Variants in PLCG2 observed in about 807,000 individuals in gnomAD.
PLCG2 encodes the protein 1-phosphatidylinositol 4,5-bisphosphate phosphodiesterase gamma-2.
Under a neutral mutation model 175.6 loss-of-function variants are expected in PLCG2, and 69 were observed. The ratio of observed to expected loss-of-function variants is 0.39; its 90% confidence interval spans 0.32 to 0.48. The LOEUF is 0.48. Ranked by LOEUF, PLCG2 falls within the 20% of genes least tolerant of loss-of-function variation. The probability of loss-of-function intolerance (pLI) is 0.91; values close to 1 mark genes in which losing one functional copy is unlikely to be tolerated. For missense variants in PLCG2, 1,798 were observed against 1,650.9 expected (o/e 1.09, Z -1.54); for synonymous variants, 827 against 624.0 (o/e 1.33, Z -4.85).
chr16:81,869,095 T>C (rs779517382), intron 5 of PLCG2, 119 bp from the exon 6 acceptor site: 3 of 722,088 alleles, frequency 4.2e-6, no homozygotes, highest in Non-Finnish European at 7.5e-6. Flanking sequence ...GGTCCATAAA[T>C]AACTGTTGAC....
chr16:81,773,469 G>C (rs1284274869), intron 2 of PLCG2, among the ~76,000 whole-genome samples: 1 of 152,194 alleles, frequency 6.6e-6, no homozygotes, highest in Non-Finnish European at 1.5e-5. Flanking sequence ...AGACACAGGG[G>C]GGTAAGAGGC....
intron 2 of PLCG2, chr16:81,767,059 A>G (rs1189640100): frequency 6.6e-6 from 1 of 150,730 alleles, no homozygotes; most frequent in East Asian, 1.9e-4. Flanking sequence ...GTCTTTCCCC[A>G]GAGTGGATGT....
intron 5 of PLCG2, among the ~76,000 whole-genome samples, chr16:81,867,527 C>T (rs775142193): frequency 2.6e-5 from 4 of 152,164 alleles, no homozygotes; most frequent in Admixed American, 6.5e-5. Context: ...GATCATGGTA[C>T]CTGCCTTGTA....
intron 5 of PLCG2, among the ~76,000 whole-genome samples, chr16:81,863,284 A>G (rs1411204482): frequency 6.6e-6 from 1 of 152,224 alleles, no homozygotes; most frequent in Non-Finnish European, 1.5e-5. Flanking sequence ...ACCTCATATA[A>G]GTGGACTAGC....
intron 13 of PLCG2, among the ~76,000 whole-genome samples, chr16:81,896,441 A>G (rs1908894531): frequency 6.7e-6 from 1 of 149,816 alleles, no homozygotes; most frequent in African/African-American, 2.5e-5. Flanking sequence ...ATCTGGGTGT[A>G]GTGGCATGTG....
At chr16:81,919,849 G>T (rs994388359) in intron 20 of PLCG2, among the ~76,000 whole-genome samples, 185 bp downstream of exon 20, 2 of 152,206 alleles carry the variant, frequency 1.3e-5, no homozygotes, top group African/African-American at 4.8e-5. Context: ...GTGTTGGGGA[G>T]ATGCAACAAA....
chr16:81,795,705 T>C (rs1346680664), intron 2 of PLCG2, among the ~76,000 whole-genome samples: 1 of 152,020 alleles, frequency 6.6e-6, no homozygotes, highest in Non-Finnish European at 1.5e-5. Flanking sequence ...CCTGCTTTTT[T>C]TTTTTCTCCC....
intron 27 of PLCG2, 152 bp from the exon 28 acceptor site, chr16:81,937,606 C>T: frequency 3.5e-6 from 2 of 569,884 alleles, no homozygotes; most frequent in Non-Finnish European, 6.0e-6. Context: ...TCTAGAAACC[C>T]TATATTTTCT....
At chr16:81,868,713 C>T (rs1907365497) in intron 5 of PLCG2, among the ~76,000 whole-genome samples, 1 of 152,232 alleles carries the variant, frequency 6.6e-6, no homozygotes, top group African/African-American at 2.4e-5. Flanking sequence ...GGGCCTTTGG[C>T]ATTTCTGTGG....
At chr16:81,885,950 A>G (rs991758421) in intron 9 of PLCG2, among the ~76,000 whole-genome samples, 1 of 152,224 alleles carries the variant, frequency 6.6e-6, no homozygotes, top group Non-Finnish European at 1.5e-5. Flanking sequence ...GGAGGAAGTA[A>G]AATGAAGGTA....
chr16:81,750,663 A>ATTTTTTTTTTGTT (rs1909791207), intron 1 of PLCG2, among the ~76,000 whole-genome samples: 1 of 68,446 alleles, frequency 1.5e-5, no homozygotes, highest in Non-Finnish European at 2.6e-5. Context: ...GGGACTGGAG[A>ATTTTTTTTTTGTT]TTTTTTTTTT....
rs923937069 is a variant in PLCG2 at position 81,960,769 on chromosome 16, G to A, written c.*2771G>A. Reference sequence around the variant, plus strand: ...CCTAGTTAAAATCTAAACTTAAGTCGCCATGGCCAGTGGCCTTTAGATTAA... The same window carrying A: ...CCTAGTTAAAATCTAAACTTAAGTCACCATGGCCAGTGGCCTTTAGATTAA... On this transcript the variant is annotated 3_prime_UTR_variant, in exon 33 of 33. Coordinates refer to ENST00000564138, the MANE Select transcript of PLCG2 (RefSeq NM_002661.5). The A allele has an allele frequency of 8.7e-6, 2 of 228,736 alleles. No homozygotes were observed. The highest frequency in any genetic ancestry group is 1.3e-3 in the Middle Eastern group (1 of 768). The allele number at this position is 228,736 out of a possible 1,614,324, so 14.2% of individuals were successfully genotyped here.
intron 2 of PLCG2, chr16:81,766,596 C>G (rs1567696967): frequency 6.6e-6 from 1 of 152,584 alleles, no homozygotes. Flanking sequence ...ATCTGCTCTG[C>G]TAAAGTGCTC....
Position 81,851,721 on chromosome 16 carries a change from C to T in PLCG2, c.194-2723C>T, listed in dbSNP as rs575934770. Among the ~76,000 whole-genome samples the T allele has an allele frequency of 3.3e-5, 5 of 152,372 alleles. No homozygotes were observed. In the South Asian group the frequency reaches 1.0e-3, roughly 32 times the overall value. On this transcript the variant is annotated intron_variant, in intron 2 of 32. Coordinates refer to ENST00000564138, the MANE Select transcript of PLCG2 (RefSeq NM_002661.5). ...AGAGATGGGGTTTCACCTTGTTGGC[C>T]AGGCTGGTCTCGAATTCCTGACCTC...
At chr16:81,863,155 T>C (rs1249943670) in intron 5 of PLCG2, among the ~76,000 whole-genome samples, 1 of 152,180 alleles carries the variant, frequency 6.6e-6, no homozygotes, top group East Asian at 1.9e-4. Flanking sequence ...TCCAGAACTT[T>C]TTATCATCTC....
intron 12 of PLCG2, 103 bp downstream of exon 12, chr16:81,893,897 C>G: frequency 7.4e-6 from 5 of 677,598 alleles, no homozygotes. Flanking sequence ...TTTTAATGGA[C>G]ACATAATAAC....
chr16:81,884,725 G>C (rs1351251231), intron 9 of PLCG2, among the ~76,000 whole-genome samples: 1 of 151,426 alleles, frequency 6.6e-6, no homozygotes, highest in Non-Finnish European at 1.5e-5. Context: ...TTTAAATAGA[G>C]TTTATATTTT....
At chr16:81,897,116 A>C (rs914752228) in intron 13 of PLCG2, among the ~76,000 whole-genome samples, 3 of 152,236 alleles carry the variant, frequency 2.0e-5, no homozygotes, top group African/African-American at 7.2e-5. Context: ...TTCCAGTTAA[A>C]ACTTGAATTA....
intron 13 of PLCG2, chr16:81,898,024 C>A: frequency 2.8e-6 from 1 of 356,886 alleles, no homozygotes; most frequent in South Asian, 2.0e-5. Context: ...TAAGTGCCAA[C>A]CTCCATCAGG....
Sources: gnomAD v4.1 joint callset for allele counts (sites outside exome capture counted in the v4.1 genomes callset) on GRCh38, gnomAD v4.1.1 for gene constraint, MANE v1.5 for transcripts, NCBI Gene and HGNC (gene_info 2026-07-23, HGNC 2026-07-21) for gene names.